SPTAN1: variants seen among roughly 807,000 people sequenced by gnomAD.
The protein encoded by SPTAN1 is spectrin alpha, non-erythrocytic 1.
A neutral mutation model predicts 331.3 loss-of-function variants in SPTAN1; 61 were observed. The ratio of observed to expected loss-of-function variants is 0.18; its 90% CI spans 0.15 to 0.23. SPTAN1 has a LOEUF of 0.23. Among genes scored for constraint, SPTAN1 ranks in the 10% least tolerant of loss-of-function variants. The probability of loss-of-function intolerance (pLI) is 1.00; values close to 1 mark genes in which losing one functional copy is unlikely to be tolerated. For missense variants in SPTAN1, 2,043 were observed against 3,147.9 expected, an observed-to-expected ratio of 0.65 and a Z score of 8.40; for synonymous variants, 1,153 against 1,173.9, an observed-to-expected ratio of 0.98 and a Z score of 0.36.
intron 44 of SPTAN1, among the ~76,000 whole-genome samples, chr9:128,620,488 G>A (rs1466447855): frequency 6.6e-6 from 1 of 152,142 alleles, no homozygotes; most frequent in Non-Finnish European, 1.5e-5. Flanking sequence ...AGGCCAAGGT[G>A]GGCAGATCAC....
intron 22 of SPTAN1, among the ~76,000 whole-genome samples, chr9:128,592,447 G>A (rs1589249337): frequency 6.6e-6 from 1 of 152,028 alleles, no homozygotes; most frequent in East Asian, 1.9e-4. Flanking sequence ...GCTAATTTTT[G>A]TATTTTTAGT....
Position 128,613,473 on chromosome 9 carries a change from A to T in SPTAN1, c.5136A>T (p.Ile1712=), listed in dbSNP as rs1426233215. Residue 1712 remains isoleucine (I), a synonymous_variant, in exon 40 of 57, where the codon ATA becomes ATT. Transcript: ENST00000372739. The part of the protein sequence containing the change: ...LKKHQLLEAD[I]SAHEDRLKDL... The stretch of plus-strand genomic sequence containing the variant: ...AGCATCAACTGCTGGAAGCAGATAT[A>T]TCTGCCCATGAGGTAAGCAAAGGGA... 2 of 1,614,186 alleles carry T rather than the reference A, an allele frequency of 1.2e-6. No individual in the cohort carries two copies. The highest frequency in any genetic ancestry group is 2.2e-5 in the East Asian group (1 of 44,890).
intron 3 of SPTAN1, among the ~76,000 whole-genome samples, chr9:128,572,947 T>G (rs1246864434): frequency 8.5e-5 from 13 of 152,206 alleles, no homozygotes; most frequent in Non-Finnish European, 1.0e-4. Flanking sequence ...GAGCATGTAT[T>G]CCTCTGCTGC....
At chr9:128,553,596 A>T (rs1848357809) in intron 1 of SPTAN1, among the ~76,000 whole-genome samples, 1 of 152,254 alleles carries the variant, frequency 6.6e-6, no homozygotes. Context: ...GATGTACTAG[A>T]GTAAAATATA....
intron 56 of SPTAN1, 121 bp from the exon 57 acceptor site, chr9:128,633,088 C>G: frequency 6.3e-7 from 1 of 1,592,702 alleles, no homozygotes. Context: ...TCAGTATGGA[C>G]AGAAGTCCCG....
Position 128,632,888 on chromosome 9 carries a change from T to C in SPTAN1, c.7241T>C (p.Ile2414Thr). 1.2e-6 allele frequency: 2 copies of C among 1,613,964 alleles called. No individual in the cohort carries two copies. Among genetic ancestry groups the C allele is most frequent in the Non-Finnish European group, 1.7e-6 (2 of 1,180,028 alleles). ...GAGAACGTCAAGTCCAGCGAGGAGA[T>C]TGAGAGCGCCTTCCGGGCCCTCAGC... ...ETENVKSSEE[I>T]ESAFRALSSE... is the part of the protein sequence containing the mutation. The change falls in exon 56 of 57, where the codon ATT becomes ACT. Residue 2414 changes from isoleucine to threonine, a missense_variant. Physicochemically the swap from Ile to Thr is moderately conservative, Grantham distance 89 (BLOSUM62 -1). Around this residue, in one of 12 missense-constraint regions of SPTAN1, gnomAD observed 88 missense variants for 96.5 expected, o/e 0.91. Transcript: ENST00000372739.
chr9:128,591,463 T>A lies in SPTAN1; in HGVS notation c.3007-14T>A, dbSNP rs768594714. ...GAAGGAATTTACTTTCAGTTCTCCC[T>A]CTTTTTTCCTTAGGATTGGTGGAAA... is the stretch of plus-strand genomic sequence containing the variant. On this transcript the variant is annotated splice_polypyrimidine_tract_variant and intron_variant, in intron 21 of 56. Transcript: ENST00000372739. 2 of 1,614,054 alleles carry A rather than the reference T, an allele frequency of 1.2e-6. No individual in the cohort carries two copies. Among genetic ancestry groups the A allele is most frequent in the Non-Finnish European group, 1.7e-6 (2 of 1,179,962 alleles).
chr9:128,570,980 A>G (rs1431099089), intron 3 of SPTAN1, among the ~76,000 whole-genome samples: 3 of 152,296 alleles, frequency 2.0e-5, no homozygotes, highest in African/African-American at 4.8e-5. Flanking sequence ...TATTAAAGCA[A>G]CATTAACAAT....
At chr9:128,574,909 A>T in intron 4 of SPTAN1, 94 bp downstream of exon 4, 1 of 1,578,150 alleles carries the variant, frequency 6.3e-7, no homozygotes, top group Non-Finnish European at 8.7e-7. Flanking sequence ...GTTAGCACAG[A>T]TACGGCCATT....
intron 26 of SPTAN1, chr9:128,599,804 G>A (rs2131468979): frequency 2.0e-6 from 1 of 492,916 alleles, no homozygotes. Flanking sequence ...CAACATAAAA[G>A]TTGGTGGTTT....
chr9:128,587,734 G>C (rs753607645), intron 20 of SPTAN1, 36 bp downstream of exon 20: 2 of 1,583,642 alleles, frequency 1.3e-6, no homozygotes, highest in South Asian at 2.2e-5. Context: ...ACTGGAGGGA[G>C]GCCTTGAAGG....
At position 128,599,960 on chromosome 9, in the gene SPTAN1, G is replaced by A. The variant is rs1854875628; in HGVS notation, c.3544-120G>A. ...ACTATGGAGGGAAAATGCTGTTTTG[G>A]TTAATGTATTAGTATCTGGGATCTC... On this transcript the variant is annotated intron_variant, in intron 26 of 56. Coordinates refer to ENST00000372739, the MANE Select transcript of SPTAN1 (RefSeq NM_001130438.3). 9.8e-6 allele frequency: 10 copies of A among 1,024,596 alleles called. No homozygotes were observed. In the South Asian group the frequency reaches 1.3e-4, roughly 13 times the overall value. The allele number at this position is 1,024,596 out of a possible 1,614,324, so 63.5% of individuals were successfully genotyped here. A position where few individuals can be genotyped will look rare whatever the true frequency, so the allele number is the denominator to read the frequency against.
In SPTAN1 at chr9:128,618,017, G is replaced by A. The variant is rs747206756; in HGVS notation, c.5509G>A (p.Asp1837Asn). 16 of 1,614,010 alleles carry A rather than the reference G, an allele frequency of 9.9e-6. No homozygotes were observed. The highest frequency in any genetic ancestry group is 2.2e-5 in the East Asian group (1 of 44,894). Residue 1837 changes from aspartate to asparagine, a missense_variant, in exon 43 of 57, where the codon GAT becomes AAT. By Grantham distance (23) the Asp-to-Asn change is conservative. This residue lies in a region of SPTAN1 where 323 missense variants were observed against 581.1 expected (regional missense o/e 0.56). Coordinates refer to ENST00000372739, the MANE Select transcript of SPTAN1 (RefSeq NM_001130438.3). The part of the protein sequence containing the change: ...GVLDTGKKLS[D>N]DNTIGKEEIQ... ...CCTGGACACTGGCAAGAAGCTGTCC[G>A]ATGACAACACCATCGGGAAAGAGGA...
intron 31 of SPTAN1, 84 bp from the exon 32 acceptor site, chr9:128,607,520 A>T: frequency 8.2e-7 from 1 of 1,217,972 alleles, no homozygotes; most frequent in South Asian, 1.2e-5. Flanking sequence ...TGAGGCAAGA[A>T]TTATGTCATT....
At chr9:128,555,306 C>T (rs2132637411) in intron 1 of SPTAN1, 2 of 1,237,250 alleles carry the variant, frequency 1.6e-6, no homozygotes, top group South Asian at 1.3e-5. Context: ...GTTCCGTTTG[C>T]CCTTAGAAGC....
At chr9:128,626,222 CTGG>C in intron 48 of SPTAN1, 166 bp from the exon 49 acceptor site, 2 of 1,000,002 alleles carry the variant, frequency 2.0e-6, no homozygotes, top group Admixed American at 1.9e-5. Flanking sequence ...GGAAAAAAGG[CTGG>C]TGAAGACTTG....
chr9:128,621,266 G>A lies in SPTAN1; in HGVS notation c.5832+10G>A. 6.2e-7 allele frequency: 1 copy of A among 1,611,122 alleles called. No homozygotes were observed. Among genetic ancestry groups the A allele is most frequent in the Non-Finnish European group, 8.5e-7 (1 of 1,178,772 alleles). On this transcript the variant is annotated intron_variant, in intron 45 of 56. Transcript: ENST00000372739. The stretch of plus-strand genomic sequence containing the variant: ...AGACCTCATTAAGAAGGTGAGTCCA[G>A]CCCATTGGTAAGACCTCCATCGCCC...
intron 23 of SPTAN1, 149 bp from the exon 24 acceptor site, chr9:128,594,026 A>G (rs1853888708): frequency 1.3e-6 from 1 of 763,584 alleles, no homozygotes; most frequent in Non-Finnish European, 2.3e-6. Context: ...CCTCGTCTTC[A>G]TCTGATAACT....
At chr9:128,598,012 A>C (rs896487547) in intron 24 of SPTAN1, among the ~76,000 whole-genome samples, 2 of 146,578 alleles carry the variant, frequency 1.4e-5, no homozygotes, top group African/African-American at 5.1e-5. Context: ...GCAATGGCGC[A>C]ATCTCAGCTC....
Sources: allele counts gnomAD v4.1 joint callset (sites outside exome capture counted in the v4.1 genomes callset), GRCh38; gene constraint gnomAD v4.1.1; regional missense constraint gnomAD v4.1.1; transcripts MANE v1.5; gene names NCBI Gene and HGNC (gene_info 2026-07-23, HGNC 2026-07-21).